The following DPYS variants were observed in gnomAD, a reference collection of about 807,000 sequenced individuals.
DPYS encodes dihydropyrimidine amidohydrolase.
DPYS carries 39 observed loss-of-function variants against 50.3 expected under a neutral mutation model. The observed-to-expected ratio is 0.78, with a 90% CI of 0.60 to 1.01. The LOEUF is 1.01. Ranked by LOEUF, DPYS falls within the 50% of genes least tolerant of loss-of-function variation. DPYS has a pLI of 0.00. For missense variants in DPYS, 659 were observed against 680.9 expected (o/e 0.97, Z 0.36); for synonymous variants, 245 against 250.7 (o/e 0.98, Z 0.22).
At chr8:104,433,927 G>A (rs146614883) in intron 4 of DPYS, among the ~76,000 whole-genome samples, 81 of 152,256 alleles carry the variant, frequency 5.3e-4, no homozygotes, top group African/African-American at 1.9e-3. Flanking sequence ...GACAAAAAGA[G>A]TCAAACTCTG....
At position 104,467,002 on chromosome 8, in the gene DPYS, C is replaced by A; in HGVS notation, c.-82G>T. ...GCGGGCCGGGCGGGCTTGGGGTGCC[C>A]TCCTGCAAGGTCCCCACCGACAGCC... On this transcript the variant is annotated 5_prime_UTR_variant, in exon 1 of 10. The change creates a new upstream start codon in the 5' untranslated region. Coordinates refer to ENST00000351513, the MANE Select transcript of DPYS (RefSeq NM_001385.3). 3 of 1,346,574 alleles carry A rather than the reference C, an allele frequency of 2.2e-6. No homozygotes were observed. The highest frequency in any genetic ancestry group is 1.9e-6 in the Non-Finnish European group (2 of 1,052,546). 83.4% of individuals were successfully genotyped at this position (1,346,574 alleles called of 1,614,324 possible). A position where few individuals can be genotyped will look rare whatever the true frequency, so the allele number is the denominator to read the frequency against.
chr8:104,384,565 G>A (rs986506160), intron 8 of DPYS, among the ~76,000 whole-genome samples: 1 of 152,094 alleles, frequency 6.6e-6, no homozygotes, highest in African/African-American at 2.4e-5. Flanking sequence ...CTCTAATGAT[G>A]ATGGCAAACC....
chr8:104,383,966 C>T (rs1811134322), intron 8 of DPYS, among the ~76,000 whole-genome samples: 1 of 152,144 alleles, frequency 6.6e-6, no homozygotes, highest in Admixed American at 6.5e-5. Context: ...GTCATGGAGC[C>T]AGCCATGTCT....
chr8:104,450,335 T>C (rs1813694586), intron 2 of DPYS, among the ~76,000 whole-genome samples: 1 of 152,206 alleles, frequency 6.6e-6, no homozygotes, highest in Non-Finnish European at 1.5e-5. Context: ...AACTACCTGT[T>C]AAAGATTGAT....
At chr8:104,455,736 T>TCGGAACATA (rs1014937128) in intron 1 of DPYS, among the ~76,000 whole-genome samples, 2 of 151,916 alleles carry the variant, frequency 1.3e-5, no homozygotes, top group African/African-American at 4.8e-5. Flanking sequence ...ATAACATGCT[T>TCGGAACATA]CGGAACATAC....
At chr8:104,389,544 T>TTTTA (rs1564079179) in intron 8 of DPYS, among the ~76,000 whole-genome samples, 17 of 105,556 alleles carry the variant, frequency 1.6e-4, no homozygotes, top group South Asian at 1.1e-3. Flanking sequence ...CTTTTATTTT[T>TTTTA]TTTTTTTTGT....
intron 1 of DPYS, among the ~76,000 whole-genome samples, chr8:104,457,080 GTTTAA>G (rs1813950917): frequency 6.6e-6 from 1 of 152,190 alleles, no homozygotes; most frequent in African/African-American, 2.4e-5. Context: ...CTGTGATAAA[GTTTAA>G]TTTATTACTG....
At chr8:104,414,688 A>G (rs1473057503) in intron 7 of DPYS, among the ~76,000 whole-genome samples, 2 of 152,164 alleles carry the variant, frequency 1.3e-5, no homozygotes, top group South Asian at 2.1e-4. Context: ...TTTGCTGTAC[A>G]ATAAGCATAT....
At chr8:104,382,330 GT>G (rs1213644374) in intron 8 of DPYS, among the ~76,000 whole-genome samples, 1 of 152,060 alleles carries the variant, frequency 6.6e-6, no homozygotes, top group Non-Finnish European at 1.5e-5. Flanking sequence ...CTCACTTTCT[GT>G]ATCTGTCTAA....
intron 7 of DPYS, among the ~76,000 whole-genome samples, chr8:104,401,354 G>A (rs538333510): frequency 1.2e-4 from 18 of 150,678 alleles, no homozygotes; most frequent in African/African-American, 4.1e-4. Flanking sequence ...AGGATGATGA[G>A]GCACAGAAAG....
At chr8:104,422,495 C>T (rs1387566426) in intron 7 of DPYS, among the ~76,000 whole-genome samples, 1 of 152,092 alleles carries the variant, frequency 6.6e-6, no homozygotes, top group Non-Finnish European at 1.5e-5. Flanking sequence ...GTACAGCTAC[C>T]GTTTTCTCAT....
intron 8 of DPYS, among the ~76,000 whole-genome samples, chr8:104,383,579 T>C (rs1308327242): frequency 6.7e-6 from 1 of 149,258 alleles, no homozygotes; most frequent in Non-Finnish European, 1.5e-5. Context: ...TTGTGCTGCA[T>C]CATTTATCTG....
chr8:104,417,146 G>A (rs773337030), intron 7 of DPYS, among the ~76,000 whole-genome samples: 23 of 152,156 alleles, frequency 1.5e-4, no homozygotes, highest in Non-Finnish European at 3.1e-4. Context: ...ATGTCTGCTC[G>A]GCAGAATACG....
chr8:104,445,753 T>C (rs1813504804), intron 3 of DPYS, among the ~76,000 whole-genome samples: 1 of 152,034 alleles, frequency 6.6e-6, no homozygotes, highest in African/African-American at 2.4e-5. Flanking sequence ...TAGTCAATAA[T>C]TGCACCTTTT....
intron 5 of DPYS, 131 bp downstream of exon 5, chr8:104,429,414 C>T: frequency 4.1e-6 from 5 of 1,223,610 alleles, no homozygotes; most frequent in Non-Finnish European, 3.5e-6. Context: ...GTGAGGGGTA[C>T]CCAGGACCTG....
rs1381369096 is a variant in DPYS, at chr8:104,406,416, C to T, written c.1236-13425G>A. On this transcript the variant is annotated intron_variant, in intron 7 of 9. Coordinates refer to ENST00000351513, the MANE Select transcript of DPYS (RefSeq NM_001385.3). Reference sequence around the variant, plus strand: ...ACACATGATACCTGCTGACTCATCTCGTAGTGTGAGAATGTGGTCAGGTTT... The same window carrying T: ...ACACATGATACCTGCTGACTCATCTTGTAGTGTGAGAATGTGGTCAGGTTT... 3.9e-5 allele frequency among the ~76,000 whole-genome samples: 6 copies of T among 152,284 alleles called. No individual in the cohort carries two copies. In the East Asian group the frequency reaches 5.8e-4, roughly 15 times the overall value.
At chr8:104,430,254 C>T (rs563213309) in intron 4 of DPYS, among the ~76,000 whole-genome samples, 1 of 151,292 alleles carries the variant, frequency 6.6e-6, no homozygotes, top group Non-Finnish European at 1.5e-5. Flanking sequence ...TCTTTTCATG[C>T]CCTTGAAAAA....
intron 2 of DPYS, among the ~76,000 whole-genome samples, chr8:104,448,183 T>G (rs1813608939): frequency 6.9e-6 from 1 of 145,748 alleles, no homozygotes; most frequent in Non-Finnish European, 1.5e-5. Flanking sequence ...TGAGACAGAG[T>G]CTTGCTCTGT....
intron 7 of DPYS, among the ~76,000 whole-genome samples, chr8:104,411,580 G>A (rs978024962): frequency 6.6e-6 from 1 of 152,172 alleles, no homozygotes; most frequent in African/African-American, 2.4e-5. Flanking sequence ...GAGAGGGAAA[G>A]AGCATTGCAA....
Sources: allele counts gnomAD v4.1 joint callset (sites outside exome capture counted in the v4.1 genomes callset), GRCh38; gene constraint gnomAD v4.1.1; transcripts MANE v1.5; gene names NCBI Gene and HGNC (gene_info 2026-07-23, HGNC 2026-07-21).